Variants in RNF220 observed in about 807,000 individuals in gnomAD.
RNF220 encodes E3 ubiquitin-protein ligase RNF220.
A neutral mutation model predicts 67.1 loss-of-function variants in RNF220; 7 were observed. That is an observed-to-expected ratio of 0.10 (90% CI 0.06 to 0.20). RNF220 has a LOEUF of 0.20. Among genes scored for constraint, RNF220 ranks in the 10% least tolerant of loss-of-function variants. The probability of loss-of-function intolerance (pLI) is 1.00; values close to 1 mark genes in which losing one functional copy is unlikely to be tolerated. For synonymous variants in RNF220, 270 were observed against 283.2 expected (o/e 0.95, Z 0.47); for missense variants, 565 against 740.3 (o/e 0.76, Z 2.75).
chr1:44,635,085 C>G (rs1179286928), intron 6 of RNF220, among the ~76,000 whole-genome samples: 1 of 151,996 alleles, frequency 6.6e-6, no homozygotes, highest in Non-Finnish European at 1.5e-5. Context: ...GCCCAGGAAC[C>G]AAAGAGGATT....
At chr1:44,520,462 T>A (rs1659847872) in intron 2 of RNF220, among the ~76,000 whole-genome samples, 2 of 152,006 alleles carry the variant, frequency 1.3e-5, no homozygotes, top group Admixed American at 1.3e-4. Flanking sequence ...CGAGACTCCG[T>A]CTCAAAAAAA....
At chr1:44,566,844 A>G (rs1363938663) in intron 2 of RNF220, among the ~76,000 whole-genome samples, 1 of 152,198 alleles carries the variant, frequency 6.6e-6, no homozygotes, top group Non-Finnish European at 1.5e-5. Context: ...TCAAGAGGTC[A>G]CTATGGCCAC....
chr1:44,538,826 G>T (rs1661440919), intron 2 of RNF220, among the ~76,000 whole-genome samples: 1 of 147,954 alleles, frequency 6.8e-6, no homozygotes, highest in South Asian at 2.2e-4. Context: ...TGAGGCAGGA[G>T]AATGACTTAA....
At chr1:44,416,119 A>G (rs1402913845) in intron 2 of RNF220, among the ~76,000 whole-genome samples, 1 of 152,210 alleles carries the variant, frequency 6.6e-6, no homozygotes, top group Non-Finnish European at 1.5e-5. Flanking sequence ...AAAAACAAGC[A>G]GCCTTTACTC....
At chr1:44,515,372 G>A (rs1440444292) in intron 2 of RNF220, among the ~76,000 whole-genome samples, 2 of 152,180 alleles carry the variant, frequency 1.3e-5, no homozygotes, top group Non-Finnish European at 2.9e-5. Flanking sequence ...TGTAGGTGTA[G>A]TTTGTGTGGT....
intron 2 of RNF220, among the ~76,000 whole-genome samples, chr1:44,581,055 C>G (rs1665240503): frequency 6.6e-6 from 1 of 152,228 alleles, no homozygotes; most frequent in South Asian, 2.1e-4. Context: ...GAGCTGAGGT[C>G]TAGGCCAAGC....
chr1:44,520,780 G>A (rs545284016), intron 2 of RNF220, among the ~76,000 whole-genome samples: 13 of 152,318 alleles, frequency 8.5e-5, no homozygotes, highest in African/African-American at 2.9e-4. Flanking sequence ...GGCTAAGACT[G>A]TACAAGTTTC....
At chr1:44,557,195 T>TA (rs1663176513) in intron 2 of RNF220, among the ~76,000 whole-genome samples, 2 of 144,270 alleles carry the variant, frequency 1.4e-5, no homozygotes, top group African/African-American at 5.1e-5. Flanking sequence ...AATATATATT[T>TA]TATATATATA....
chr1:44,595,343 C>T (rs1196098039), intron 2 of RNF220, among the ~76,000 whole-genome samples: 2 of 152,190 alleles, frequency 1.3e-5, no homozygotes, highest in Non-Finnish European at 2.9e-5. Context: ...CCTAGGCCAC[C>T]CCCTCCAGGA....
intron 2 of RNF220, among the ~76,000 whole-genome samples, chr1:44,436,413 C>T (rs1355378710): frequency 3.4e-5 from 3 of 87,398 alleles, no homozygotes; most frequent in East Asian, 7.9e-4. Context: ...CACACACACA[C>T]ATGTGTGAGC....
chr1:44,501,293 A>G (rs1009744603), intron 2 of RNF220, among the ~76,000 whole-genome samples: 2 of 151,622 alleles, frequency 1.3e-5, no homozygotes, highest in Non-Finnish European at 2.9e-5. Context: ...GAGGCCCTGG[A>G]AAGTTTTTGA....
intron 2 of RNF220, among the ~76,000 whole-genome samples, chr1:44,460,878 G>A (rs1368561330): frequency 6.6e-6 from 1 of 152,172 alleles, no homozygotes; most frequent in East Asian, 1.9e-4. Context: ...GAACCACAAG[G>A]TCAGAGGAGA....
At chr1:44,461,924 G>GTTTTT (rs201661366) in intron 2 of RNF220, among the ~76,000 whole-genome samples, 2,137 of 123,288 alleles carry the variant, frequency 0.017, 76 homozygotes, top group East Asian at 0.049. Flanking sequence ...TTTTTTCTTT[G>GTTTTT]TTTTTTTTTT....
intron 2 of RNF220, among the ~76,000 whole-genome samples, chr1:44,612,738 T>C (rs181019461): frequency 1.0e-3 from 156 of 149,932 alleles, no homozygotes; most frequent in African/African-American, 3.7e-3. Context: ...GTATGTCCCG[T>C]GTAGTACTTG....
chr1:44,406,795 G>A (rs1647381197), intron 1 of RNF220, among the ~76,000 whole-genome samples: 2 of 152,256 alleles, frequency 1.3e-5, no homozygotes, highest in South Asian at 4.1e-4. Context: ...CTTGGGCGGA[G>A]AGCTTCCGTG....
At chr1:44,425,919 C>T (rs1441224157) in intron 2 of RNF220, among the ~76,000 whole-genome samples, 1 of 152,162 alleles carries the variant, frequency 6.6e-6, no homozygotes, top group Non-Finnish European at 1.5e-5. Flanking sequence ...ATGCCATTCC[C>T]TCCTTGAAGC....
intron 8 of RNF220, among the ~76,000 whole-genome samples, chr1:44,639,314 T>G (rs188998063): frequency 6.6e-6 from 1 of 152,346 alleles, no homozygotes; most frequent in East Asian, 1.9e-4. Context: ...CCATGGTCCC[T>G]CCTGTGTGTT....
chr1:44,535,477 A>T (rs1278436267), intron 2 of RNF220, among the ~76,000 whole-genome samples: 1 of 152,138 alleles, frequency 6.6e-6, no homozygotes, highest in African/African-American at 2.4e-5. Context: ...GAGAACTCCC[A>T]CTGATGTTCC....
At chr1:44,474,144 G>A (rs1260299813) in intron 2 of RNF220, among the ~76,000 whole-genome samples, 3 of 152,068 alleles carry the variant, frequency 2.0e-5, no homozygotes, top group East Asian at 1.9e-4. Flanking sequence ...GGAAGCTGAG[G>A]CAGGTGGATT....
Sources: gnomAD v4.1 joint callset for allele counts (sites outside exome capture counted in the v4.1 genomes callset) on GRCh38, gnomAD v4.1.1 for gene constraint, MANE v1.5 for transcripts, NCBI Gene and HGNC (gene_info 2026-07-23, HGNC 2026-07-21) for gene names.